The following SNX25 variants were observed in gnomAD, a reference collection of about 807,000 sequenced individuals.
SNX25 encodes the protein sorting nexin 25.
Under a neutral mutation model 113.7 loss-of-function variants are expected in SNX25, and 62 were observed. The ratio of observed to expected loss-of-function variants is 0.55; its 90% confidence interval spans 0.44 to 0.67. SNX25 has a LOEUF of 0.67. Ranked by LOEUF, SNX25 falls within the 30% of genes least tolerant of loss-of-function variation. SNX25 has a pLI of 0.00. For synonymous variants in SNX25, 421 were observed against 436.2 expected (o/e 0.97, Z 0.43); for missense variants, 1,014 against 1,161.0 (o/e 0.87, Z 1.84).
intron 14 of SNX25, among the ~76,000 whole-genome samples, chr4:185,352,905 C>G (rs908678695): frequency 6.6e-6 from 1 of 152,194 alleles, no homozygotes; most frequent in Non-Finnish European, 1.5e-5. Context: ...GCCTGTGTGT[C>G]TGTCAGTCTC....
intron 16 of SNX25, among the ~76,000 whole-genome samples, chr4:185,359,651 G>A (rs1016244015): frequency 6.6e-6 from 1 of 152,074 alleles, no homozygotes; most frequent in Admixed American, 6.6e-5. Context: ...AAAATTAGCT[G>A]GGCATGGTGG....
chr4:185,240,210 C>T (rs1299091840), intron 1 of SNX25, among the ~76,000 whole-genome samples: 3 of 152,074 alleles, frequency 2.0e-5, no homozygotes, highest in Non-Finnish European at 2.9e-5. Flanking sequence ...CAGTCTTTTC[C>T]CCACCTTTCC....
At chr4:185,341,347 A>G (rs928506240) in intron 11 of SNX25, among the ~76,000 whole-genome samples, 1 of 152,224 alleles carries the variant, frequency 6.6e-6, no homozygotes, top group Non-Finnish European at 1.5e-5. Flanking sequence ...AGGTGCCCCC[A>G]TCCTTCTCTG....
downstream of SNX25, chr4:185,370,595 G>T: frequency 6.3e-7 from 1 of 1,588,966 alleles, no homozygotes. Flanking sequence ...CTAAAAGCCT[G>T]GCAGTTTCTC....
chr4:185,238,578 G>C (rs1743009108), intron 1 of SNX25, among the ~76,000 whole-genome samples: 1 of 152,146 alleles, frequency 6.6e-6, no homozygotes, highest in Non-Finnish European at 1.5e-5. Context: ...TATTAGTCAT[G>C]AGATCCCAGT....
At position 185,258,914 on chromosome 4, in the gene SNX25, A is replaced by C. The variant is rs902540297; in HGVS notation, c.581A>C (p.Gln194Pro). ...WYGNLSRDEG[Q>P]LYHLLLEDFW... ...GGAAACCTCAGCAGAGATGAGGGACAACTTTACCATCTGCTCTTGGAAGAC... is the reference window on the plus strand; with the variant it reads ...GGAAACCTCAGCAGAGATGAGGGACCACTTTACCATCTGCTCTTGGAAGAC... Residue 194 changes from glutamine to proline, a missense_variant, in exon 3 of 19, where the codon CAA becomes CCA. Gln to Pro is a moderately conservative substitution (Grantham distance 76). Coordinates refer to ENST00000652585, the MANE Select transcript of SNX25 (RefSeq NM_001378034.2). 1 of 1,614,188 alleles carries C rather than the reference A, an allele frequency of 6.2e-7. No homozygotes were observed.
intron 1 of SNX25, among the ~76,000 whole-genome samples, chr4:185,229,051 G>A (rs566188781): frequency 6.6e-6 from 1 of 152,328 alleles, no homozygotes; most frequent in East Asian, 1.9e-4. Context: ...GTGCTGAGGA[G>A]TTAAGGGCCA....
chr4:185,365,825 A>T (rs2095386294), downstream of SNX25: 2 of 152,166 alleles, frequency 1.3e-5, no homozygotes, highest in South Asian at 4.1e-4. Context: ...TTGAGACAGA[A>T]ATACATGACC....
chr4:185,208,996 AAAAAC>A (rs781325338), upstream of SNX25, among the ~76,000 whole-genome samples: 3 of 152,290 alleles, frequency 2.0e-5, no homozygotes, highest in Admixed American at 6.5e-5. Context: ...GTAAAAAACA[AAAAAC>A]AAAACAAAAC....
At chr4:185,240,511 CT>C (rs1743642984) in intron 1 of SNX25, among the ~76,000 whole-genome samples, 2 of 148,254 alleles carry the variant, frequency 1.3e-5, no homozygotes, top group Non-Finnish European at 3.0e-5. Flanking sequence ...GGGCGGCTGG[CT>C]GGGCGGGGGG....
At chr4:185,360,600 TTGAAC>T (rs763866084) in intron 16 of SNX25, among the ~76,000 whole-genome samples, 59 of 152,242 alleles carry the variant, frequency 3.9e-4, no homozygotes, top group Middle Eastern at 3.4e-3. Flanking sequence ...CTTGGGCTCT[TTGAAC>T]TGTGTGTAGT....
intron 1 of SNX25, among the ~76,000 whole-genome samples, chr4:185,217,153 G>A (rs982211285): frequency 5.9e-5 from 9 of 151,992 alleles, no homozygotes; most frequent in African/African-American, 9.7e-5. Flanking sequence ...AATACTGGCC[G>A]AGTGCAGTGG....
At chr4:185,244,761 G>A (rs1744583448) in intron 1 of SNX25, among the ~76,000 whole-genome samples, 1 of 151,842 alleles carries the variant, frequency 6.6e-6, no homozygotes, top group African/African-American at 2.4e-5. Flanking sequence ...TTTCTTTCTT[G>A]GGTGCAACAT....
intron 2 of SNX25, among the ~76,000 whole-genome samples, chr4:185,252,134 T>C (rs2126501061): frequency 6.6e-6 from 1 of 152,284 alleles, no homozygotes; most frequent in Non-Finnish European, 1.5e-5. Flanking sequence ...AATTCATGCA[T>C]TTGGCAGTAG....
the SNX25 span, chr4:185,377,144 A>C: frequency 9.8e-6 from 7 of 712,792 alleles, no homozygotes; most frequent in Non-Finnish European, 1.7e-5. Flanking sequence ...CATTCCTACA[A>C]CTGGCCTCCT....
At chr4:185,335,008 A>T (rs939195130) in intron 10 of SNX25, among the ~76,000 whole-genome samples, 9 of 152,154 alleles carry the variant, frequency 5.9e-5, no homozygotes, top group African/African-American at 2.2e-4. Flanking sequence ...GTTGGTAAAA[A>T]ATTAATAATT....
chr4:185,322,394 T>C (rs1047914723), intron 8 of SNX25, among the ~76,000 whole-genome samples: 2 of 152,108 alleles, frequency 1.3e-5, no homozygotes, highest in African/African-American at 4.8e-5. Flanking sequence ...ATCACGCCAC[T>C]ACACTCCAGC....
intron 7 of SNX25, among the ~76,000 whole-genome samples, chr4:185,320,393 A>G (rs553774090): frequency 6.6e-6 from 1 of 152,170 alleles, no homozygotes; most frequent in East Asian, 1.9e-4. Flanking sequence ...ACCAAACACC[A>G]CATGTTCTCA....
At chr4:185,369,766 C>T (rs950562615) in exon 12 of SNX25, 17 of 446,584 alleles carry the variant, frequency 3.8e-5, no homozygotes, top group South Asian at 1.3e-4. Context: ...TCAACAAATA[C>T]GCTTCTGTCT....
Sources: gnomAD v4.1 joint callset for allele counts (sites outside exome capture counted in the v4.1 genomes callset) on GRCh38, gnomAD v4.1.1 for gene constraint, MANE v1.5 for transcripts, NCBI Gene and HGNC (gene_info 2026-07-23, HGNC 2026-07-21) for gene names.